Variants in HYDIN observed in about 807,000 individuals in gnomAD.
HYDIN encodes the protein axonemal central pair apparatus protein HYDIN.
A neutral mutation model predicts 403.9 loss-of-function variants in HYDIN; 132 were observed. The observed-to-expected ratio is 0.33, with a 90% CI of 0.28 to 0.38. The LOEUF (loss-of-function observed/expected upper bound fraction) is 0.38, where lower values mean the gene tolerates loss of function less well. Among genes scored for constraint, HYDIN ranks in the 10% least tolerant of loss-of-function variants. The pLI is 1.00. For synonymous variants in HYDIN, 1,202 were observed against 1,891.7 expected, an observed-to-expected ratio of 0.64 and a Z score of 9.46; for missense variants, 2,827 against 5,009.5, an observed-to-expected ratio of 0.56 and a Z score of 13.15.
At chr16:71,112,950 G>A (rs1387607049) in intron 10 of HYDIN, among the ~76,000 whole-genome samples, 1 of 152,164 alleles carries the variant, frequency 6.6e-6, no homozygotes, top group Non-Finnish European at 1.5e-5. Flanking sequence ...GTTGTCAGGG[G>A]CTGAGGCTGG....
chr16:71,191,933 C>T (rs1408760837), intron 1 of HYDIN, among the ~76,000 whole-genome samples: 1 of 152,120 alleles, frequency 6.6e-6, no homozygotes, highest in African/African-American at 2.4e-5. Flanking sequence ...CTCAAATTAA[C>T]CATATAACAC....
intron 69 of HYDIN, among the ~76,000 whole-genome samples, chr16:70,861,466 C>T (rs1438510975): frequency 1.3e-5 from 2 of 151,920 alleles, no homozygotes; most frequent in Non-Finnish European, 2.9e-5. Context: ...GGAGCAAGTA[C>T]CTCATCAGGG....
Position 70,938,520 on chromosome 16 carries a change from G to A in HYDIN, c.6995+94C>T, listed in dbSNP as rs1266969523. On this transcript the variant is annotated intron_variant, in intron 44 of 85. Coordinates refer to ENST00000393567, the MANE Select transcript of HYDIN (RefSeq NM_001270974.2). Reference sequence around the variant, plus strand: ...CTTCTGCAGCTCCTGCTGCCTGCCTGGAAGATGGCTTGGGCTCACACCCCG... The same window carrying A: ...CTTCTGCAGCTCCTGCTGCCTGCCTAGAAGATGGCTTGGGCTCACACCCCG... 9.4e-6 allele frequency: 7 copies of A among 741,822 alleles called. No individual in the cohort carries two copies. In the Admixed American group the frequency reaches 1.5e-4, roughly 15 times the overall value. The allele number at this position is 741,822 out of a possible 1,614,324, so 46.0% of individuals were successfully genotyped here. A position where few individuals can be genotyped will look rare whatever the true frequency, so the allele number is the denominator to read the frequency against.
intron 6 of HYDIN, among the ~76,000 whole-genome samples, chr16:71,158,508 G>A (rs1161484193): frequency 6.7e-6 from 1 of 149,818 alleles, no homozygotes; most frequent in Non-Finnish European, 1.5e-5. Context: ...ATTTTGGCAT[G>A]GTTTTTTTCA....
intron 18 of HYDIN, among the ~76,000 whole-genome samples, chr16:71,046,453 C>T (rs1447019440): frequency 6.6e-6 from 1 of 151,796 alleles, no homozygotes; most frequent in Non-Finnish European, 1.5e-5. Context: ...CCCTTCCCTC[C>T]CGGATGCATC....
chr16:71,015,627 T>G (rs1391570968), intron 23 of HYDIN, among the ~76,000 whole-genome samples: 1 of 151,948 alleles, frequency 6.6e-6, no homozygotes, highest in Non-Finnish European at 1.5e-5. Flanking sequence ...CAGGACCGGC[T>G]GCCGGCTTCA....
At chr16:70,870,566 G>A (rs113523617) in intron 65 of HYDIN, among the ~76,000 whole-genome samples, 56 of 151,752 alleles carry the variant, frequency 3.7e-4, no homozygotes, top group African/African-American at 1.3e-3. Context: ...TCCATGTGGT[G>A]TTGAGCCTGT....
chr16:71,227,237 C>T (rs2041075622), intron 1 of HYDIN, among the ~76,000 whole-genome samples: 1 of 151,826 alleles, frequency 6.6e-6, no homozygotes, highest in Admixed American at 6.6e-5. Flanking sequence ...AACTTCTTCA[C>T]CAAAGATATA....
chr16:70,982,687 T>C (rs950538358), intron 28 of HYDIN, among the ~76,000 whole-genome samples: 5 of 149,164 alleles, frequency 3.4e-5, no homozygotes, highest in Admixed American at 6.8e-5. Context: ...TTAGTACATC[T>C]AGAGCTGCTC....
intron 10 of HYDIN, among the ~76,000 whole-genome samples, chr16:71,103,923 T>C (rs1404071449): frequency 3.3e-5 from 5 of 152,210 alleles, no homozygotes; most frequent in African/African-American, 1.2e-4. Flanking sequence ...ATTTTTCTAT[T>C]TGTTTAGGTC....
chr16:70,893,298 G>T (rs1391916551), intron 55 of HYDIN, among the ~76,000 whole-genome samples: 2 of 152,034 alleles, frequency 1.3e-5, no homozygotes, highest in African/African-American at 4.8e-5. Context: ...CAACAGGCAA[G>T]ATTCCACTTA....
At chr16:71,081,142 A>G (rs1194527102) in intron 12 of HYDIN, among the ~76,000 whole-genome samples, 2 of 152,156 alleles carry the variant, frequency 1.3e-5, no homozygotes, top group African/African-American at 4.8e-5. Context: ...TACAACAGCA[A>G]AAGAAAACTA....
intron 1 of HYDIN, among the ~76,000 whole-genome samples, chr16:71,206,534 C>A (rs1017776771): frequency 6.6e-6 from 1 of 152,198 alleles, no homozygotes; most frequent in African/African-American, 2.4e-5. Context: ...TCTTTCCTCC[C>A]AACCACACTA....
chr16:70,822,030 C>G (rs1770426), intron 83 of HYDIN, among the ~76,000 whole-genome samples: 11 of 152,230 alleles, frequency 7.2e-5, no homozygotes, highest in Non-Finnish European at 1.5e-4. Flanking sequence ...ACAACATCTA[C>G]TCTGCAGCCC....
intron 1 of HYDIN, among the ~76,000 whole-genome samples, chr16:71,187,585 T>C (rs750273679): frequency 6.6e-6 from 1 of 152,082 alleles, no homozygotes; most frequent in Non-Finnish European, 1.5e-5. Context: ...ATCCAATCAT[T>C]GTGCTAAAAA....
intron 18 of HYDIN, among the ~76,000 whole-genome samples, chr16:71,034,351 CTGA>C (rs1398799611): frequency 1.3e-5 from 2 of 151,974 alleles, no homozygotes; most frequent in African/African-American, 4.8e-5. Flanking sequence ...CAGAGTTGCA[CTGA>C]TGATCTCTGT....
intron 80 of HYDIN, among the ~76,000 whole-genome samples, chr16:70,831,529 C>CCA (rs2036991616): frequency 1.1e-5 from 1 of 91,562 alleles, no homozygotes; most frequent in South Asian, 3.7e-4. Flanking sequence ...AAAAAAAAAC[C>CCA]AAAAAAAAAA....
At chr16:71,163,597 TG>T (rs1381896533) in intron 5 of HYDIN, among the ~76,000 whole-genome samples, 1 of 152,178 alleles carries the variant, frequency 6.6e-6, no homozygotes, top group Non-Finnish European at 1.5e-5. Flanking sequence ...TACCCAGTCT[TG>T]TTCTTGGAAC....
intron 18 of HYDIN, among the ~76,000 whole-genome samples, chr16:71,033,697 G>A (rs2080994073): frequency 6.6e-6 from 1 of 152,082 alleles, no homozygotes; most frequent in Admixed American, 6.6e-5. Context: ...ATACTTAGAT[G>A]GTAGGTTGAT....
Sources: allele counts gnomAD v4.1 joint callset (sites outside exome capture counted in the v4.1 genomes callset), GRCh38; gene constraint gnomAD v4.1.1; transcripts MANE v1.5; gene names NCBI Gene and HGNC (gene_info 2026-07-23, HGNC 2026-07-21).